Variants in MKLN1 observed in about 807,000 individuals in gnomAD.
MKLN1 encodes muskelin 1.
A neutral mutation model predicts 99.0 loss-of-function variants in MKLN1; 18 were observed. The ratio of observed to expected loss-of-function variants is 0.18; its 90% CI spans 0.13 to 0.27. The LOEUF (loss-of-function observed/expected upper bound fraction) is 0.27, where lower values mean the gene tolerates loss of function less well. MKLN1 is among the 10% of genes least tolerant of loss of function. The pLI is 1.00. For synonymous variants in MKLN1, 288 were observed against 293.2 expected (o/e 0.98, Z 0.18); for missense variants, 621 against 875.9 (o/e 0.71, Z 3.67).
intron 3 of MKLN1, among the ~76,000 whole-genome samples, chr7:131,249,847 G>A (rs1372012697): frequency 6.6e-6 from 1 of 152,118 alleles, no homozygotes; most frequent in East Asian, 1.9e-4. Context: ...AGGGGAGCAT[G>A]GCTCAGATTA....
Position 131,388,978 on chromosome 7 carries a change from A to AT in MKLN1, c.400+10dup. On this transcript the variant is annotated splice_region_variant and intron_variant, in intron 4 of 17. Coordinates refer to ENST00000352689, the MANE Select transcript of MKLN1 (RefSeq NM_013255.5). ...TTGTCGATTCATTAAAATAGGTAAGATTTTAGCATTCTGAAATAGAAACAA... is the reference window on the plus strand; with the variant it reads ...TTGTCGATTCATTAAAATAGGTAAGATTTTTAGCATTCTGAAATAGAAACAA... 6.3e-7 allele frequency: 1 copy of AT among 1,578,872 alleles called. No homozygotes were observed. The highest frequency in any genetic ancestry group is 8.7e-7 in the Non-Finnish European group (1 of 1,153,998).
At chr7:131,486,912 A>G (rs945971458) in intron 17 of MKLN1, among the ~76,000 whole-genome samples, 1 of 152,142 alleles carries the variant, frequency 6.6e-6, no homozygotes, top group African/African-American at 2.4e-5. Flanking sequence ...TATGCTTTCT[A>G]ATGTGTATCA....
chr7:131,487,471 C>G lies in MKLN1; in HGVS notation c.2087-136C>G. ...CACAGCCAGGTAGTAGAACTGGGGT[C>G]AGATCAGTAGTGTCTGCCTGGTTTT... On this transcript the variant is annotated intron_variant, in intron 17 of 17. Transcript: ENST00000352689. This position sits in a 1 kb window ranked among gnomAD's most constrained non-coding sequence, Gnocchi z 4.7. 1 of 864,134 alleles carries G rather than the reference C, an allele frequency of 1.2e-6. No homozygotes were observed. Among genetic ancestry groups the G allele is most frequent in the East Asian group, 2.8e-5 (1 of 36,000 alleles). The allele number at this position is 864,134 out of a possible 1,614,324, so 53.5% of individuals were successfully genotyped here.
intron 2 of MKLN1, among the ~76,000 whole-genome samples, chr7:131,158,163 A>T (rs750755949): frequency 6.6e-6 from 1 of 152,162 alleles, no homozygotes; most frequent in Non-Finnish European, 1.5e-5. Flanking sequence ...ACTTCTTGTT[A>T]GGCCAGGCGC....
intron 1 of MKLN1, 87 bp downstream of exon 1, chr7:131,328,084 G>T: frequency 1.3e-6 from 2 of 1,505,174 alleles, no homozygotes; most frequent in African/African-American, 1.4e-5. Flanking sequence ...CAGCCGAGCC[G>T]AGAGGCCCAG....
chr7:131,414,739 A>G (rs771024247), intron 8 of MKLN1, 29 bp downstream of exon 8: 2 of 1,438,576 alleles, frequency 1.4e-6, no homozygotes, highest in Non-Finnish European at 1.9e-6. Context: ...GGAAAGCAAA[A>G]TCTTCATTGG....
intron 1 of MKLN1, among the ~76,000 whole-genome samples, chr7:131,335,367 G>T: frequency 6.6e-6 from 1 of 152,014 alleles, no homozygotes; most frequent in East Asian, 1.9e-4. Flanking sequence ...TACTGATTAA[G>T]ATTAATCCAT....
At chr7:131,328,070 A>C in intron 1 of MKLN1, 73 bp downstream of exon 1, 1 of 1,519,876 alleles carries the variant, frequency 6.6e-7, no homozygotes, top group Non-Finnish European at 8.8e-7. Context: ...GGTGCAATGG[A>C]GGGCAGCCGA....
intron 2 of MKLN1, among the ~76,000 whole-genome samples, chr7:131,163,438 T>A (rs1232089270): frequency 6.6e-6 from 1 of 152,204 alleles, no homozygotes; most frequent in Non-Finnish European, 1.5e-5. Context: ...TGACATTAGA[T>A]TCACAGGTCA....
chr7:131,239,610 A>G (rs757630916), intron 3 of MKLN1, among the ~76,000 whole-genome samples: 8 of 152,112 alleles, frequency 5.3e-5, no homozygotes, highest in Non-Finnish European at 1.2e-4. Context: ...GAGCTACCAC[A>G]CCCAGCCCTC....
At chr7:131,159,303 C>A (rs568753507) in intron 2 of MKLN1, among the ~76,000 whole-genome samples, 3 of 152,196 alleles carry the variant, frequency 2.0e-5, no homozygotes, top group African/African-American at 7.2e-5. Context: ...AGCTAAGTGT[C>A]CATCAACAGA....
intron 9 of MKLN1, among the ~76,000 whole-genome samples, chr7:131,431,458 T>C (rs1795519962): frequency 6.6e-6 from 1 of 152,148 alleles, no homozygotes; most frequent in South Asian, 2.1e-4. Context: ...GGCTCATTCA[T>C]TTGTCTAGGA....
At position 131,443,560 on chromosome 7, in the gene MKLN1, G is replaced by T. The variant is rs1288712048; in HGVS notation, c.1253G>T (p.Ser418Ile). Residue 418 changes from serine to isoleucine, a missense_variant, in exon 11 of 18, where the codon AGC (serine) becomes ATC (isoleucine). Physicochemically the swap from Ser to Ile is moderately radical, Grantham distance 142. Transcript: ENST00000352689. The stretch of plus-strand genomic sequence containing the variant: ...ACTTGTAATGGCAGCGTAGATGACA[G>T]CAGAGCCAGTGAACCACAATTCAGT... The part of the protein sequence containing the change: ...ILTCNGSVDD[S>I]RASEPQFSGL... 2 of 1,613,964 alleles carry T rather than the reference G, an allele frequency of 1.2e-6. No individual in the cohort carries two copies. Among genetic ancestry groups the T allele is most frequent in the Non-Finnish European group, 1.7e-6 (2 of 1,179,942 alleles).
intron 3 of MKLN1, among the ~76,000 whole-genome samples, chr7:131,321,930 G>A (rs1310218111): frequency 6.6e-6 from 1 of 152,198 alleles, no homozygotes; most frequent in Non-Finnish European, 1.5e-5. Context: ...GGCCCAAATG[G>A]TCTGTATGTC....
Position 131,429,719 on chromosome 7 carries a change from C to T in MKLN1, c.960+574C>T, listed in dbSNP as rs1001116979. ...TCAGCCTCCCAAGTAGCTGGGACTA[C>T]AGGCGTCCGCCACCACGCCCAGCGA... On this transcript the variant is annotated intron_variant, in intron 9 of 17. Transcript: ENST00000352689. Among the ~76,000 whole-genome samples the T allele has an allele frequency of 5.3e-5, 8 of 152,178 alleles. No individual in the cohort carries two copies. In the South Asian group the frequency reaches 1.7e-3, roughly 31 times the overall value.
At chr7:131,470,259 T>G (rs189084166) in intron 15 of MKLN1, among the ~76,000 whole-genome samples, 7 of 152,352 alleles carry the variant, frequency 4.6e-5, no homozygotes, top group Admixed American at 1.3e-4. Context: ...GTAAAATACT[T>G]GATACAATGT....
At chr7:131,156,802 C>A (rs955096705) in intron 2 of MKLN1, among the ~76,000 whole-genome samples, 1 of 152,164 alleles carries the variant, frequency 6.6e-6, no homozygotes, top group Admixed American at 6.5e-5. Flanking sequence ...CTGTACACAG[C>A]ATCTGAGTGC....
upstream of MKLN1, chr7:131,327,709 C>T: frequency 1.9e-6 from 2 of 1,026,712 alleles, no homozygotes; most frequent in Non-Finnish European, 2.7e-6. Flanking sequence ...TGTCGGTCAG[C>T]CGTCAAGGAG....
At chr7:131,404,128 A>C (rs1473702851) in intron 6 of MKLN1, among the ~76,000 whole-genome samples, 1 of 152,090 alleles carries the variant, frequency 6.6e-6, no homozygotes, top group East Asian at 1.9e-4. Flanking sequence ...GTATTTTTGC[A>C]TATATTTGTG....
Sources: gnomAD v4.1 joint callset for allele counts (sites outside exome capture counted in the v4.1 genomes callset) on GRCh38, gnomAD v4.1.1 for gene constraint, Gnocchi (gnomAD v3.1) non-coding constraint, MANE v1.5 for transcripts, NCBI Gene and HGNC (gene_info 2026-07-23, HGNC 2026-07-21) for gene names.